The following GIMAP5 variants were observed in gnomAD, a reference collection of about 807,000 sequenced individuals.
The protein encoded by GIMAP5 is GTPase IMAP family member 5.
A neutral mutation model predicts 9.9 loss-of-function variants in GIMAP5; 8 were observed. The ratio of observed to expected loss-of-function variants is 0.81; its 90% CI spans 0.47 to 1.45. GIMAP5 has a LOEUF of 1.45. Among genes scored for constraint, GIMAP5 ranks in the 40% most tolerant of loss-of-function variants. The probability of loss-of-function intolerance (pLI) is 0.00; values close to 1 mark genes in which losing one functional copy is unlikely to be tolerated. For missense variants in GIMAP5, 353 were observed against 367.4 expected, an observed-to-expected ratio of 0.96 and a Z score of 0.32; for synonymous variants, 174 against 151.4, an observed-to-expected ratio of 1.15 and a Z score of -1.09.
intron 1 of GIMAP5, 133 bp downstream of exon 1, chr7:150,737,841 G>A (rs1366981142): frequency 2.8e-6 from 2 of 715,164 alleles, no homozygotes; most frequent in South Asian, 1.8e-5. Flanking sequence ...AGTAAAACGG[G>A]GCAATGGTGA....
At chr7:150,739,010 G>C (rs1472402621) in intron 1 of GIMAP5, 1 of 152,226 alleles carries the variant, frequency 6.6e-6, no homozygotes, top group African/African-American at 2.4e-5. Flanking sequence ...AACATAGTTT[G>C]ACTGGCTTTT....
In GIMAP5 at chr7:150,741,696, A is replaced by G. The variant is rs148254169; in HGVS notation, c.44-487A>G. Among the ~76,000 whole-genome samples, 730 of 152,354 alleles carry G rather than the reference A, an allele frequency of 4.8e-3. 5 individuals carry two copies. Among genetic ancestry groups the G allele is most frequent in the African/African-American group, 0.016 (673 of 41,586 alleles). The stretch of plus-strand genomic sequence containing the variant: ...AGCTGACCCCCGGCAGTGGGTCACT[A>G]TAGATTTGCCAGTGGAGACCTCCTT... On this transcript the variant is annotated intron_variant, in intron 2 of 2. Coordinates refer to ENST00000358647, the MANE Select transcript of GIMAP5 (RefSeq NM_018384.5).
intron 1 of GIMAP5, chr7:150,738,557 G>A (rs1038108011): frequency 2.6e-5 from 4 of 152,110 alleles, no homozygotes; most frequent in Non-Finnish European, 4.4e-5. Flanking sequence ...TTTTCAAATC[G>A]GAATGTGCAT....
chr7:150,740,972 A>G (rs1367446661), intron 2 of GIMAP5, 45 bp downstream of exon 2: 1 of 1,604,154 alleles, frequency 6.2e-7, no homozygotes, highest in Non-Finnish European at 8.5e-7. Context: ...CACTTGGGAG[A>G]ATCACAATTC....
At chr7:150,740,968 G>C (rs771300309) in intron 2 of GIMAP5, 41 bp downstream of exon 2, 1 of 1,602,710 alleles carries the variant, frequency 6.2e-7, no homozygotes, top group South Asian at 1.1e-5. Flanking sequence ...CAGACACTTG[G>C]GAGAATCACA....
rs1797618112 is a variant in GIMAP5 at position 150,742,646 on chromosome 7, C to T, written c.507C>T (p.Asp169=). ...TGGATGACTATGTAGCAAACACGGA[C>T]AACTGCAGCCTGAAAGACCTGGTGC... is the stretch of plus-strand genomic sequence containing the variant. ...QALDDYVANT[D]NCSLKDLVRE... The change falls in exon 3 of 3, where the codon GAC becomes GAT. Residue 169 remains aspartate (D), a synonymous_variant. Transcript: ENST00000358647. The T allele has an allele frequency of 6.2e-7, 1 of 1,614,216 alleles. No homozygotes were observed. The highest frequency in any genetic ancestry group is 8.5e-7 in the Non-Finnish European group (1 of 1,180,042).
chr7:150,742,226 G>C lies in GIMAP5; in HGVS notation c.87G>C (p.Arg29Ser), dbSNP rs369518198. Reference protein sequence around the residue: ...DNLSATPPALRIILVGKTGCG... With the variant: ...DNLSATPPALSIILVGKTGCG... Reference sequence around the variant, plus strand: ...TGTCTGCAACACCACCGGCATTGAGGATTATCCTAGTGGGCAAAACAGGCT... The same window carrying C: ...TGTCTGCAACACCACCGGCATTGAGCATTATCCTAGTGGGCAAAACAGGCT... The change falls in exon 3 of 3, where the codon AGG becomes AGC. Residue 29 changes from arginine to serine, a missense_variant. By Grantham distance (110) the Arg-to-Ser change is moderately radical (BLOSUM62 -1). Transcript: ENST00000358647. 3 of 1,614,080 alleles carry C rather than the reference G, an allele frequency of 1.9e-6. No individual in the cohort carries two copies. In the African/African-American group the frequency reaches 4.0e-5, roughly 22 times the overall value.
chr7:150,741,010 C>G, intron 2 of GIMAP5, 83 bp downstream of exon 2: 1 of 1,447,366 alleles, frequency 6.9e-7, no homozygotes, highest in Non-Finnish European at 9.6e-7. Flanking sequence ...ATCTAAAACA[C>G]AGTGGCAGAA....
chr7:150,740,819 A>G, intron 1 of GIMAP5, 60 bp from the exon 2 acceptor site: 1 of 1,554,632 alleles, frequency 6.4e-7, no homozygotes, highest in Non-Finnish European at 8.9e-7. Context: ...AGGTGCCCTC[A>G]GGCTCTACCA....
At chr7:150,738,454 T>C (rs1178618789) in intron 1 of GIMAP5, 1 of 152,216 alleles carries the variant, frequency 6.6e-6, no homozygotes, top group East Asian at 1.9e-4. Context: ...AGACAAGAAG[T>C]GGTTTGATCT....
At position 150,743,107 on chromosome 7, in the gene GIMAP5, T is replaced by C; in HGVS notation, c.*44T>C. On this transcript the variant is annotated 3_prime_UTR_variant, in exon 3 of 3. Coordinates refer to ENST00000358647, the MANE Select transcript of GIMAP5 (RefSeq NM_018384.5). ...ACTTCTAATGTATCACCCCATGGAG[T>C]CATTGTTCTAATAATCACCAATTCA... 6.4e-7 allele frequency: 1 copy of C among 1,554,974 alleles called. No homozygotes were observed. Among genetic ancestry groups the C allele is most frequent in the Non-Finnish European group, 8.7e-7 (1 of 1,151,600 alleles).
intron 2 of GIMAP5, 42 bp from the exon 3 acceptor site, chr7:150,742,138 TAAG>T: frequency 6.3e-7 from 1 of 1,582,710 alleles, no homozygotes. Flanking sequence ...CTAACAGTCT[TAAG>T]AATCATTAAC....
chr7:150,743,091 G>A lies in GIMAP5; in HGVS notation c.*28G>A, dbSNP rs773135509. ...CTCTGGACCCTGGAGCACTTCTAATGTATCACCCCATGGAGTCATTGTTCT... is the reference window on the plus strand; with the variant it reads ...CTCTGGACCCTGGAGCACTTCTAATATATCACCCCATGGAGTCATTGTTCT... On this transcript the variant is annotated 3_prime_UTR_variant, in exon 3 of 3. Coordinates refer to ENST00000358647, the MANE Select transcript of GIMAP5 (RefSeq NM_018384.5). 2.5e-6 allele frequency: 4 copies of A among 1,582,992 alleles called. No homozygotes were observed. In the African/African-American group the frequency reaches 4.1e-5, roughly 16 times the overall value.
chr7:150,742,277 C>T lies in GIMAP5; in HGVS notation c.138C>T (p.Ser46=). 1 of 1,614,218 alleles carries T rather than the reference C, an allele frequency of 6.2e-7. No individual in the cohort carries two copies. Among genetic ancestry groups the T allele is most frequent in the Non-Finnish European group, 8.5e-7 (1 of 1,180,026 alleles). ...TGCGKSATGN[S]ILGQPVFESK... is the part of the protein sequence containing the mutation. ...GCGGGAAAAGTGCCACAGGGAACAG[C>T]ATCCTTGGCCAGCCCGTGTTTGAGT... Residue 46 remains serine (S), a synonymous_variant, in exon 3 of 3, where the codon AGC becomes AGT. Transcript: ENST00000358647.
chr7:150,738,378 T>C (rs2116572296), intron 1 of GIMAP5: 1 of 152,552 alleles, frequency 6.6e-6, no homozygotes, highest in East Asian at 1.9e-4. Flanking sequence ...GCAAAACACA[T>C]GATTCCAATA....
Position 150,737,542 on chromosome 7 carries a change from T to G in GIMAP5, c.-173T>G. The G allele has an allele frequency of 3.3e-6, 5 of 1,535,648 alleles. No individual in the cohort carries two copies. Among genetic ancestry groups the G allele is most frequent in the Non-Finnish European group, 4.4e-6 (5 of 1,146,898 alleles). On this transcript the variant is annotated 5_prime_UTR_variant, in exon 1 of 3. Transcript: ENST00000358647. Reference sequence around the variant, plus strand: ...GCTTTCAGCCCCAGCACATGGCTCCTCCTTAACTGCGTCTGCTCAACCTCC... The same window carrying G: ...GCTTTCAGCCCCAGCACATGGCTCCGCCTTAACTGCGTCTGCTCAACCTCC...
Position 150,743,443 on chromosome 7 carries a change from C to T in GIMAP5, c.*380C>T, listed in dbSNP as rs757934478. 48 of 195,680 alleles carry T rather than the reference C, an allele frequency of 2.5e-4. No individual in the cohort carries two copies. The highest frequency in any genetic ancestry group is 4.7e-3 in the Middle Eastern group (2 of 426). 12.1% of individuals were successfully genotyped at this position (195,680 alleles called of 1,614,324 possible). ...GGGACTCTCAGCAGCTTTGTGCTGC[C>T]AACCTGAGATTGAAGGCAGTGCCTC... On this transcript the variant is annotated 3_prime_UTR_variant, in exon 3 of 3. Transcript: ENST00000358647.
At position 150,737,791 on chromosome 7, in the gene GIMAP5, T is replaced by C. The variant is rs927034481; in HGVS notation, c.-7+83T>C. The C allele has an allele frequency of 5.2e-6, 6 of 1,161,278 alleles. No individual in the cohort carries two copies. The Admixed American group carries it at 8.1e-5, about 16-fold the overall frequency. The allele number at this position is 1,161,278 out of a possible 1,614,324, so 71.9% of individuals were successfully genotyped here. A position where few individuals can be genotyped will look rare whatever the true frequency, so the allele number is the denominator to read the frequency against. ...TGGTCACAGCTGTTCATTTCTGACA[T>C]GACCTTGCACAGATCCCCTCACTTC... On this transcript the variant is annotated intron_variant, in intron 1 of 2. Transcript: ENST00000358647.
Position 150,737,559 on chromosome 7 carries a change from T to C in GIMAP5, c.-156T>C. The C allele has an allele frequency of 6.5e-7, 1 of 1,535,640 alleles. No individual in the cohort carries two copies. Among genetic ancestry groups the C allele is most frequent in the Non-Finnish European group, 8.7e-7 (1 of 1,146,890 alleles). Reference sequence around the variant, plus strand: ...ATGGCTCCTCCTTAACTGCGTCTGCTCAACCTCCCTCAGCCCTGTGAACAG... The same window carrying C: ...ATGGCTCCTCCTTAACTGCGTCTGCCCAACCTCCCTCAGCCCTGTGAACAG... On this transcript the variant is annotated 5_prime_UTR_variant, in exon 1 of 3. Transcript: ENST00000358647.
Sources: allele counts gnomAD v4.1 joint callset (sites outside exome capture counted in the v4.1 genomes callset), GRCh38; gene constraint gnomAD v4.1.1; transcripts MANE v1.5; gene names NCBI Gene and HGNC (gene_info 2026-07-23, HGNC 2026-07-21).